The following MAD1L1 variants were observed in gnomAD, a reference collection of about 807,000 sequenced individuals.
The protein encoded by MAD1L1 is mitotic spindle assembly checkpoint protein MAD1.
A neutral mutation model predicts 96.9 loss-of-function variants in MAD1L1; 95 were observed. The ratio of observed to expected loss-of-function variants is 0.98; its 90% confidence interval spans 0.83 to 1.16. The LOEUF (loss-of-function observed/expected upper bound fraction) is 1.16, where lower values mean the gene tolerates loss of function less well. Among genes scored for constraint, MAD1L1 ranks in the 50% most tolerant of loss-of-function variants. MAD1L1 has a pLI of 0.00. For missense variants in MAD1L1, 1,007 were observed against 954.4 expected (o/e 1.06, Z -0.73); for synonymous variants, 473 against 396.6 (o/e 1.19, Z -2.29).
chr7:2,229,362 C>T (rs1584608888), intron 3 of MAD1L1, among the ~76,000 whole-genome samples: 1 of 152,240 alleles, frequency 6.6e-6, no homozygotes, highest in Non-Finnish European at 1.5e-5. Flanking sequence ...TGGGACTGGG[C>T]TCATCACTCT....
chr7:1,878,550 C>A (rs768257189), intron 18 of MAD1L1, among the ~76,000 whole-genome samples: 12 of 147,358 alleles, frequency 8.1e-5, no homozygotes, highest in Non-Finnish European at 1.5e-4. Context: ...TAATTAAGTT[C>A]ATATGAACAT....
rs544157319 is a variant in MAD1L1, at chr7:2,193,369, C to G, written c.986+19843G>C. 84 of 152,752 alleles carry G rather than the reference C, an allele frequency of 5.5e-4. 1 individual carries two copies. The highest frequency in any genetic ancestry group is 1.9e-3 in the African/African-American group (80 of 41,602). 9.5% of individuals were successfully genotyped at this position (152,752 alleles called of 1,614,324 possible). ...CGGTCCTTGTCCTAGAACAGCAAGG[C>G]CCTCCAACTCTTGGTCCTCAAAGCC... On this transcript the variant is annotated intron_variant, in intron 10 of 18. Transcript: ENST00000265854.
chr7:1,959,936 T>C (rs1044807802), intron 15 of MAD1L1, among the ~76,000 whole-genome samples: 6 of 152,208 alleles, frequency 3.9e-5, no homozygotes, highest in Non-Finnish European at 5.9e-5. Flanking sequence ...ATTTAAATTA[T>C]TAACTTTTTA....
intron 13 of MAD1L1, among the ~76,000 whole-genome samples, chr7:2,008,663 C>T (rs540455037): frequency 1.5e-3 from 228 of 152,202 alleles, no homozygotes; most frequent in Non-Finnish European, 2.5e-3. Flanking sequence ...AGCCTCAGCC[C>T]CTCCTCCACA....
At chr7:1,830,703 G>A (rs1303448320) in intron 18 of MAD1L1, among the ~76,000 whole-genome samples, 1 of 152,098 alleles carries the variant, frequency 6.6e-6, no homozygotes, top group Non-Finnish European at 1.5e-5. Flanking sequence ...ATCATTCGAG[G>A]ATGACTGTTA....
chr7:2,196,728 T>C (rs573286240), intron 10 of MAD1L1, among the ~76,000 whole-genome samples: 1 of 151,966 alleles, frequency 6.6e-6, no homozygotes, highest in South Asian at 2.1e-4. Context: ...ACAGGGAGAG[T>C]CTGGCCTTCA....
intron 2 of MAD1L1, 149 bp from the exon 3 acceptor site, chr7:2,230,292 C>CTCCCAGTTGCCATTG: frequency 5.4e-6 from 3 of 557,834 alleles, no homozygotes; most frequent in Non-Finnish European, 9.4e-6. Context: ...TCTTCAATGG[C>CTCCCAGTTGCCATTG]AACTGGGAGC....
At chr7:2,059,487 G>A (rs553101784) in intron 12 of MAD1L1, among the ~76,000 whole-genome samples, 1 of 151,676 alleles carries the variant, frequency 6.6e-6, no homozygotes, top group South Asian at 2.1e-4. Context: ...AGGGATTGTG[G>A]CCAGAGGAGA....
At chr7:2,055,391 C>G (rs1229138497) in intron 12 of MAD1L1, among the ~76,000 whole-genome samples, 1 of 150,904 alleles carries the variant, frequency 6.6e-6, no homozygotes, top group African/African-American at 2.5e-5. Flanking sequence ...TCTGCCACCC[C>G]TGACAGAACT....
chr7:1,926,622 G>T lies in MAD1L1; in HGVS notation c.1807+10065C>A, dbSNP rs181673338. ...CTGTCAATCACACTAACGGTGTAAG[G>T]GAAAAAAAACATACGATCCCATCAA... On this transcript the variant is annotated intron_variant, in intron 17 of 18. Transcript: ENST00000265854. Among the ~76,000 whole-genome samples, 15 of 152,140 alleles carry T rather than the reference G, an allele frequency of 9.9e-5. No homozygotes were observed. In the East Asian group the frequency reaches 2.9e-3, roughly 29 times the overall value.
At chr7:2,211,128 C>T (rs1202564915) in intron 10 of MAD1L1, among the ~76,000 whole-genome samples, 1 of 152,160 alleles carries the variant, frequency 6.6e-6, no homozygotes, top group South Asian at 2.1e-4. Flanking sequence ...ACTTGCTTCC[C>T]GCCCACTTTA....
intron 12 of MAD1L1, among the ~76,000 whole-genome samples, chr7:2,046,114 C>A (rs1056647559): frequency 1.3e-5 from 2 of 152,122 alleles, no homozygotes; most frequent in Non-Finnish European, 1.5e-5. Flanking sequence ...CAGGCCGAGC[C>A]CTGCAATCAG....
At chr7:1,942,756 G>A (rs771568803) in intron 16 of MAD1L1, among the ~76,000 whole-genome samples, 2 of 152,158 alleles carry the variant, frequency 1.3e-5, no homozygotes, top group Admixed American at 6.5e-5. Context: ...GGACTCAGCC[G>A]GCCTCCCTGA....
chr7:1,938,854 A>G (rs1778767061), intron 16 of MAD1L1, among the ~76,000 whole-genome samples: 2 of 142,368 alleles, frequency 1.4e-5, no homozygotes, highest in African/African-American at 2.7e-5. Context: ...ACACACACAC[A>G]CACACACACA....
chr7:2,023,751 C>T (rs1233085415), intron 12 of MAD1L1, among the ~76,000 whole-genome samples: 2 of 152,132 alleles, frequency 1.3e-5, no homozygotes, highest in Non-Finnish European at 2.9e-5. Flanking sequence ...GAGTTCAAGA[C>T]CAGCCTGGCC....
In MAD1L1 at chr7:2,090,096, G is replaced by A. The variant is rs183083489; in HGVS notation, c.1074-20758C>T. 3.9e-5 allele frequency among the ~76,000 whole-genome samples: 6 copies of A among 152,350 alleles called. No individual in the cohort carries two copies. In the South Asian group the frequency reaches 8.3e-4, roughly 21 times the overall value. On this transcript the variant is annotated intron_variant, in intron 11 of 18. Transcript: ENST00000265854. ...GCATGGTCGTGTTTAACTTCATTAG[G>A]AAGAAGTCATTCACCGCCAGGGACT...
chr7:2,129,874 T>C (rs1001321613), intron 11 of MAD1L1, among the ~76,000 whole-genome samples: 12 of 152,202 alleles, frequency 7.9e-5, no homozygotes, highest in Non-Finnish European at 1.8e-4. Flanking sequence ...GGCAGGCAGC[T>C]GGGTCAGCAG....
At chr7:2,051,775 C>T (rs1233407958) in intron 12 of MAD1L1, among the ~76,000 whole-genome samples, 52 of 143,994 alleles carry the variant, frequency 3.6e-4, no homozygotes, top group South Asian at 1.2e-3. Flanking sequence ...AGCTGCCCTG[C>T]GCCCGCCAGG....
At chr7:1,909,568 C>T (rs1201856375) in intron 17 of MAD1L1, among the ~76,000 whole-genome samples, 3 of 152,170 alleles carry the variant, frequency 2.0e-5, no homozygotes, top group Non-Finnish European at 4.4e-5. Context: ...CGGGACCCCC[C>T]GGGATGTCAC....
Sources: gnomAD v4.1 joint callset for allele counts (sites outside exome capture counted in the v4.1 genomes callset) on GRCh38, gnomAD v4.1.1 for gene constraint, MANE v1.5 for transcripts, NCBI Gene and HGNC (gene_info 2026-07-23, HGNC 2026-07-21) for gene names.